The following CTSC variants were observed in gnomAD, a reference collection of about 807,000 sequenced individuals.
CTSC encodes cathepsin C, also known as dipeptidyl peptidase 1.
A neutral mutation model predicts 40.9 loss-of-function variants in CTSC; 37 were observed. That is an observed-to-expected ratio of 0.91 (90% CI 0.70 to 1.19). CTSC has a LOEUF of 1.19. Ranked by LOEUF, CTSC falls within the 50% of genes most tolerant of loss-of-function variation. The probability of loss-of-function intolerance (pLI) is 0.00; values close to 1 mark genes in which losing one functional copy is unlikely to be tolerated. For synonymous variants in CTSC, 232 were observed against 207.4 expected, an observed-to-expected ratio of 1.12 and a Z score of -1.02; for missense variants, 594 against 567.3, an observed-to-expected ratio of 1.05 and a Z score of -0.48.
chr11:88,307,557 T>C (rs963987205), intron 4 of CTSC, among the ~76,000 whole-genome samples: 1 of 8,108 alleles, frequency 1.2e-4, no homozygotes, highest in Non-Finnish European at 1.9e-4. Context: ...TACTGATAAC[T>C]TTTTTTTTTT....
intron 4 of CTSC, among the ~76,000 whole-genome samples, chr11:88,303,669 T>C (rs1221563590): frequency 6.6e-6 from 1 of 152,184 alleles, no homozygotes; most frequent in African/African-American, 2.4e-5. Flanking sequence ...GTGAGCCTTA[T>C]ATGGGGACTT....
chr11:88,337,419 G>A (rs1392160572), intron 1 of CTSC, 82 bp downstream of exon 1: 3 of 1,387,540 alleles, frequency 2.2e-6, no homozygotes, highest in Admixed American at 2.0e-5. Flanking sequence ...TGCCTGGGGG[G>A]AAGCGGTAGT....
rs7126599 is a variant in CTSC, at chr11:88,314,119, G to C, written c.319-1565C>G. Among the ~76,000 whole-genome samples the C allele has an allele frequency of 4.0e-3, 614 of 152,280 alleles. 5 individuals carry two copies. Among genetic ancestry groups the C allele is most frequent in the African/African-American group, 0.014 (598 of 41,544 alleles). ...ACACATTATTTCACTTGTTTGCAGA[G>C]GTTGGCAAACTTCTTTTTGAAGGAC... On this transcript the variant is annotated intron_variant, in intron 2 of 6. Coordinates refer to ENST00000227266, the MANE Select transcript of CTSC (RefSeq NM_001814.6).
chr11:88,326,314 G>A, intron 2 of CTSC: 1 of 1,613,370 alleles, frequency 6.2e-7, no homozygotes, highest in Non-Finnish European at 8.5e-7. Flanking sequence ...AGGGACTGTA[G>A]CTGCTAGAGG....
rs1230547053 is a variant in CTSC, at chr11:88,337,483, G to C, written c.172+18C>G. ...GGCAGAAAGGACGACCCGGAGGACT[G>C]CCGAGCCGGCGGCTTACCCATAACC... On this transcript the variant is annotated intron_variant, in intron 1 of 6. Transcript: ENST00000227266. The C allele has an allele frequency of 6.4e-7, 1 of 1,561,068 alleles. No individual in the cohort carries two copies.
intron 1 of CTSC, among the ~76,000 whole-genome samples, chr11:88,335,912 G>C (rs1938480207): frequency 6.6e-6 from 1 of 152,162 alleles, no homozygotes; most frequent in Admixed American, 6.5e-5. Flanking sequence ...CTACAGTTTA[G>C]AACCTCATAA....
At chr11:88,331,383 G>T (rs950092234) in intron 2 of CTSC, among the ~76,000 whole-genome samples, 1 of 152,108 alleles carries the variant, frequency 6.6e-6, no homozygotes, top group Non-Finnish European at 1.5e-5. Flanking sequence ...TTGACAGAGT[G>T]GCATAAAAAC....
At chr11:88,300,795 G>GT in intron 4 of CTSC, 150 bp from the exon 5 acceptor site, 1 of 656,012 alleles carries the variant, frequency 1.5e-6, no homozygotes, top group South Asian at 1.7e-5. Flanking sequence ...GTGATTCAAT[G>GT]TGTCAATTAC....
At chr11:88,321,132 T>C (rs375329508) in intron 2 of CTSC, 2 of 629,486 alleles carry the variant, frequency 3.2e-6, no homozygotes, top group Non-Finnish European at 4.0e-6. Context: ...ATTAAATATA[T>C]ATACATATAT....
In CTSC at chr11:88,294,210, A is replaced by C. The variant is rs1944273102; in HGVS notation, c.1188T>G (p.Pro396=). 9 of 1,613,884 alleles carry C rather than the reference A, an allele frequency of 5.6e-6. No homozygotes were observed. The highest frequency in any genetic ancestry group is 5.9e-6 in the Non-Finnish European group (7 of 1,179,998). The change falls in exon 7 of 7, where the codon CCT becomes CCG. Residue 396 remains proline, a synonymous_variant. Transcript: ENST00000227266. Reference sequence around the variant, plus strand: ...GATTAGTCAGCTCAAAGGGGTTGAAAGGGTCTCTTAGACCAGTGTGGTGGT... The same window carrying C: ...GATTAGTCAGCTCAAAGGGGTTGAACGGGTCTCTTAGACCAGTGTGGTGGT... The part of the protein sequence containing the change: ...GIYHHTGLRD[P]FNPFELTNHA...
chr11:88,308,589 C>T (rs1169645405), intron 4 of CTSC, among the ~76,000 whole-genome samples: 2 of 151,882 alleles, frequency 1.3e-5, no homozygotes, highest in East Asian at 3.9e-4. Flanking sequence ...ATGGCCCCAC[C>T]TAGAAGCAAT....
chr11:88,330,225 T>A (rs904473432), intron 2 of CTSC, among the ~76,000 whole-genome samples: 4 of 152,204 alleles, frequency 2.6e-5, no homozygotes, highest in African/African-American at 9.7e-5. Context: ...TTACTCCTTA[T>A]TAGTTTACAT....
chr11:88,294,430 G>C lies in CTSC; in HGVS notation c.968C>G (p.Pro323Arg), dbSNP rs756131048. ...DFGLVEEACF[P>R]YTGTDSPCKM... is the part of the protein sequence containing the mutation. ...GCATGGAGAATCAGTGCCTGTGTAGGGGAAGCAAGCTTCTTCCACCAGCCC... is the reference window on the plus strand; with the variant it reads ...GCATGGAGAATCAGTGCCTGTGTAGCGGAAGCAAGCTTCTTCCACCAGCCC... Residue 323 changes from proline (P) to arginine (R), a missense_variant, in exon 7 of 7, where the codon CCC becomes CGC. Physicochemically the swap from Pro to Arg is moderately radical, Grantham distance 103. Transcript: ENST00000227266. 2 of 1,614,070 alleles carry C rather than the reference G, an allele frequency of 1.2e-6. No individual in the cohort carries two copies. The highest frequency in any genetic ancestry group is 1.7e-6 in the Non-Finnish European group (2 of 1,180,010).
At chr11:88,315,122 T>A (rs928086141) in intron 2 of CTSC, among the ~76,000 whole-genome samples, 1 of 152,202 alleles carries the variant, frequency 6.6e-6, no homozygotes, top group Non-Finnish European at 1.5e-5. Context: ...AGTTGTATTA[T>A]GTACTTCTCT....
At chr11:88,335,617 G>A (rs1339654281) in intron 1 of CTSC, among the ~76,000 whole-genome samples, 2 of 152,002 alleles carry the variant, frequency 1.3e-5, no homozygotes, top group African/African-American at 2.4e-5. Context: ...CAGCAGGCAG[G>A]GAGACCCCCA....
At chr11:88,326,229 G>A in intron 2 of CTSC, 1 of 1,470,382 alleles carries the variant, frequency 6.8e-7, no homozygotes, top group Non-Finnish European at 9.0e-7. Flanking sequence ...CCAAGGGAGT[G>A]TTCAGGAGGG....
chr11:88,330,537 C>G (rs534996131), intron 2 of CTSC, among the ~76,000 whole-genome samples: 1 of 151,930 alleles, frequency 6.6e-6, no homozygotes, highest in East Asian at 1.9e-4. Flanking sequence ...TTAGTAGAGA[C>G]GGGGTTTCTT....
intron 2 of CTSC, among the ~76,000 whole-genome samples, chr11:88,317,765 T>C (rs1937912452): frequency 6.6e-6 from 1 of 152,234 alleles, no homozygotes; most frequent in Admixed American, 6.5e-5. Flanking sequence ...TATATAAACA[T>C]CAGTCTCTGA....
At chr11:88,325,094 G>A (rs911635834) in intron 2 of CTSC, 4 of 974,516 alleles carry the variant, frequency 4.1e-6, no homozygotes, top group Middle Eastern at 5.3e-4. Flanking sequence ...GCTGAAAGAA[G>A]TCAGCTCTAA....
Sources: gnomAD v4.1 joint callset for allele counts (sites outside exome capture counted in the v4.1 genomes callset) on GRCh38, gnomAD v4.1.1 for gene constraint, MANE v1.5 for transcripts, NCBI Gene and HGNC (gene_info 2026-07-23, HGNC 2026-07-21) for gene names.